HERC1: variants seen among roughly 807,000 people sequenced by gnomAD.
HERC1 encodes HECT and RLD domain containing E3 ubiquitin protein ligase family member 1.
In HERC1, 160 loss-of-function variants were observed where a neutral mutation model predicts 554.3. The ratio of observed to expected loss-of-function variants is 0.29; its 90% CI spans 0.25 to 0.33. The LOEUF (loss-of-function observed/expected upper bound fraction) is 0.33. HERC1 is among the 10% of genes least tolerant of loss of function. The pLI, the probability that HERC1 is intolerant of heterozygous loss-of-function variation, is 1.00. For synonymous variants in HERC1, 2,175 were observed against 2,131.7 expected (o/e 1.02, Z -0.56); for missense variants, 4,919 against 5,918.5 (o/e 0.83, Z 5.54).
rs755094204 is a variant in HERC1 at position 63,694,726 on chromosome 15, G to T, written c.5242+48C>A. On this transcript the variant is annotated intron_variant, in intron 28 of 77. Transcript: ENST00000443617. This position sits in a 1 kb window ranked among gnomAD's most constrained non-coding sequence, Gnocchi z 4.3. ...GAACATAACTAGTACCATAACCTCG[G>T]GCTAAAATGTAACCTGCACTGTACA... 3 of 1,612,120 alleles carry T rather than the reference G, an allele frequency of 1.9e-6. No homozygotes were observed. Among genetic ancestry groups the T allele is most frequent in the Non-Finnish European group, 2.5e-6 (3 of 1,178,514 alleles).
At chr15:63,769,663 G>A (rs1038274722) in intron 2 of HERC1, among the ~76,000 whole-genome samples, 5 of 151,926 alleles carry the variant, frequency 3.3e-5, no homozygotes, top group Admixed American at 1.3e-4. Flanking sequence ...AGACCAGCCT[G>A]GCCAACATGG....
In HERC1 at chr15:63,675,060, T is replaced by C. The variant is rs747599524; in HGVS notation, c.7128A>G (p.Glu2376=). Residue 2376 remains glutamate (E), a synonymous_variant, in exon 38 of 78, where the codon GAA becomes GAG. Transcript: ENST00000443617. ...DTPLYNLEPC[E]PLPFDVARFR... ...ATCGCGCCACATCAAACGGCAATGG[T>C]TCACAGGGTTCCAGATTATACAATG... The C allele has an allele frequency of 2.2e-5, 35 of 1,613,786 alleles. No individual in the cohort carries two copies. Among genetic ancestry groups the C allele is most frequent in the Admixed American group, 6.7e-5 (4 of 59,992 alleles).
At chr15:63,652,581 C>T in intron 51 of HERC1, 40 bp from the exon 52 acceptor site, 1 of 1,455,532 alleles carries the variant, frequency 6.9e-7, no homozygotes, top group Non-Finnish European at 9.3e-7. Context: ...ATTTTCTATT[C>T]AAATGATTTT....
intron 12 of HERC1, among the ~76,000 whole-genome samples, chr15:63,741,096 T>C (rs2074784291): frequency 6.6e-6 from 1 of 152,066 alleles, no homozygotes; most frequent in Admixed American, 6.5e-5. Context: ...TGGTGCGGTC[T>C]CCACTCACTG....
intron 24 of HERC1, among the ~76,000 whole-genome samples, chr15:63,712,383 A>T (rs1410897640): frequency 1.3e-5 from 2 of 152,230 alleles, no homozygotes; most frequent in Admixed American, 6.5e-5. Flanking sequence ...TCAGGAGATA[A>T]GAAAAAAGAG....
intron 1 of HERC1, among the ~76,000 whole-genome samples, chr15:63,800,177 T>G (rs570173052): frequency 2.0e-5 from 3 of 152,170 alleles, no homozygotes; most frequent in Admixed American, 6.5e-5. Context: ...TGGGGAAATA[T>G]TCTCTCCACT....
chr15:63,708,628 C>A (rs138073059), intron 24 of HERC1, among the ~76,000 whole-genome samples: 1 of 151,990 alleles, frequency 6.6e-6, no homozygotes, highest in South Asian at 2.1e-4. Context: ...GTAGATAACA[C>A]GTCATATAAT....
At chr15:63,808,230 G>C (rs1419807029) in intron 1 of HERC1, among the ~76,000 whole-genome samples, 5 of 151,964 alleles carry the variant, frequency 3.3e-5, no homozygotes, top group Admixed American at 1.3e-4. Flanking sequence ...TCAATGTAAT[G>C]ATTCTGAATA....
At chr15:63,771,778 T>C (rs117586333) in intron 2 of HERC1, among the ~76,000 whole-genome samples, 3,272 of 152,086 alleles carry the variant, frequency 0.022, 48 homozygotes, top group Non-Finnish European at 0.031. Context: ...TAAGGAGCTA[T>C]ATTATAGGGT....
At chr15:63,737,274 T>C (rs2074548765) in intron 12 of HERC1, among the ~76,000 whole-genome samples, 2 of 148,468 alleles carry the variant, frequency 1.3e-5, no homozygotes, top group African/African-American at 5.0e-5. Context: ...AGGTCAAGTA[T>C]CCCAATAATA....
At chr15:63,721,371 C>A (rs2073813372) in intron 19 of HERC1, among the ~76,000 whole-genome samples, 1 of 151,950 alleles carries the variant, frequency 6.6e-6, no homozygotes, top group African/African-American at 2.4e-5. Flanking sequence ...ACTAAAAATA[C>A]AAAAATTAGC....
chr15:63,813,413 A>C (rs1471583980), intron 1 of HERC1, among the ~76,000 whole-genome samples: 1 of 151,986 alleles, frequency 6.6e-6, no homozygotes, highest in Non-Finnish European at 1.5e-5. Flanking sequence ...GCCACACTTT[A>C]TTCTTCTTAA....
chr15:63,734,891 T>A lies in HERC1; in HGVS notation c.2521-42A>T. ...AAAGTATACTGATTGGCCTGGTTCT[T>A]AGTTTTTAATAAAAACACACTTAAA... is the stretch of plus-strand genomic sequence containing the variant. On this transcript the variant is annotated intron_variant, in intron 12 of 77. Coordinates refer to ENST00000443617, the MANE Select transcript of HERC1 (RefSeq NM_003922.4). This position sits in a 1 kb window ranked among gnomAD's most constrained non-coding sequence, Gnocchi z 4.6. The A allele has an allele frequency of 6.4e-7, 1 of 1,560,728 alleles. No individual in the cohort carries two copies. Among genetic ancestry groups the A allele is most frequent in the Non-Finnish European group, 8.7e-7 (1 of 1,149,370 alleles).
intron 24 of HERC1, among the ~76,000 whole-genome samples, chr15:63,711,851 C>G (rs2073312827): frequency 6.6e-6 from 1 of 152,150 alleles, no homozygotes; most frequent in South Asian, 2.1e-4. Context: ...CAGTAAGACA[C>G]TAAAGCCCAG....
chr15:63,615,418 G>A (rs2067773567), intron 76 of HERC1, among the ~76,000 whole-genome samples: 1 of 152,150 alleles, frequency 6.6e-6, no homozygotes, highest in Admixed American at 6.5e-5. Context: ...AGACCAGCCT[G>A]GCTAACATGG....
Position 63,756,328 on chromosome 15 carries a change from A to C in HERC1, c.1533+109T>G. The C allele has an allele frequency of 1.2e-6, 1 of 850,288 alleles. No homozygotes were observed. The highest frequency in any genetic ancestry group is 2.4e-5 in the Admixed American group (1 of 42,336). The allele number at this position is 850,288 out of a possible 1,614,324, so 52.7% of individuals were successfully genotyped here. ...AGCAGAGATACAAAAGATTAAGCCA[A>C]AGGGTTGAAGGGGCAACTGCAGAAA... On this transcript the variant is annotated intron_variant, in intron 5 of 77. Coordinates refer to ENST00000443617, the MANE Select transcript of HERC1 (RefSeq NM_003922.4). This position sits in a 1 kb window ranked among gnomAD's most constrained non-coding sequence, Gnocchi z 5.0.
intron 3 of HERC1, among the ~76,000 whole-genome samples, chr15:63,760,198 A>C (rs921648884): frequency 1.3e-5 from 2 of 152,092 alleles, no homozygotes; most frequent in Non-Finnish European, 2.9e-5. Flanking sequence ...AGGGGAACAA[A>C]CTGGAAAACG....
chr15:63,729,118 G>C lies in HERC1; in HGVS notation c.3154+118C>G, dbSNP rs981309740. 20 of 921,840 alleles carry C rather than the reference G, an allele frequency of 2.2e-5. No homozygotes were observed. In the African/African-American group the frequency reaches 3.2e-4, roughly 15 times the overall value. The allele number at this position is 921,840 out of a possible 1,614,324, so 57.1% of individuals were successfully genotyped here. ...ACCAAGACTAAAGGAATCTTCAATA[G>C]AAGGAAATTCAAGACCATTCCTATT... On this transcript the variant is annotated intron_variant, in intron 16 of 77. Transcript: ENST00000443617.
rs181496036 is a variant in HERC1 at position 63,741,068 on chromosome 15, G to A, written c.2520+5850C>T. Among the ~76,000 whole-genome samples the A allele has an allele frequency of 6.1e-4, 92 of 150,834 alleles. 2 individuals carry two copies. The East Asian group carries it at 0.017, about 28-fold the overall frequency. On this transcript the variant is annotated intron_variant, in intron 12 of 77. Coordinates refer to ENST00000443617, the MANE Select transcript of HERC1 (RefSeq NM_003922.4). Reference sequence around the variant, plus strand: ...TTGTGAGACGGACTCTTGCCCTGTCGCCCAGGCTGGAGTGCAATGGTGCGG... The same window carrying A: ...TTGTGAGACGGACTCTTGCCCTGTCACCCAGGCTGGAGTGCAATGGTGCGG...
Sources: gnomAD v4.1 joint callset for allele counts (sites outside exome capture counted in the v4.1 genomes callset) on GRCh38, gnomAD v4.1.1 for gene constraint, Gnocchi (gnomAD v3.1) non-coding constraint, MANE v1.5 for transcripts, NCBI Gene and HGNC (gene_info 2026-07-23, HGNC 2026-07-21) for gene names.